CEP85L: variants seen among roughly 807,000 people sequenced by gnomAD.
The protein encoded by CEP85L is centrosomal protein of 85 kDa-like.
A neutral mutation model predicts 100.3 loss-of-function variants in CEP85L; 60 were observed. The observed-to-expected ratio is 0.60, with a 90% CI of 0.49 to 0.74. CEP85L has a LOEUF of 0.74. Among genes scored for constraint, CEP85L ranks in the 30% least tolerant of loss-of-function variants. The probability of loss-of-function intolerance (pLI) is 0.00; values close to 1 mark genes in which losing one functional copy is unlikely to be tolerated. For synonymous variants in CEP85L, 319 were observed against 322.7 expected, an observed-to-expected ratio of 0.99 and a Z score of 0.12; for missense variants, 973 against 936.2, an observed-to-expected ratio of 1.04 and a Z score of -0.51.
chr6:118,649,647 G>C (rs926247449), intron 1 of CEP85L, among the ~76,000 whole-genome samples: 1 of 152,032 alleles, frequency 6.6e-6, no homozygotes, highest in Non-Finnish European at 1.5e-5. Context: ...CTCAATCACT[G>C]AAGTTACTTA....
chr6:118,667,983 G>T (rs772923828), intron 1 of CEP85L, among the ~76,000 whole-genome samples: 1 of 152,162 alleles, frequency 6.6e-6, no homozygotes, highest in Non-Finnish European at 1.5e-5. Flanking sequence ...TAATCCATGA[G>T]TTGGGCTGAG....
chr6:118,542,900 CA>C (rs71012391), intron 3 of CEP85L, among the ~76,000 whole-genome samples: 12,802 of 66,970 alleles, frequency 0.19, 464 homozygotes, highest in Non-Finnish European at 0.23. Flanking sequence ...CAAGTTTTCC[CA>C]AAAAAAAAAA....
chr6:118,528,798 T>A (rs1180266651), intron 3 of CEP85L, among the ~76,000 whole-genome samples: 1 of 152,190 alleles, frequency 6.6e-6, no homozygotes, highest in Non-Finnish European at 1.5e-5. Context: ...TAGAATGGAA[T>A]TTGAAGTACC....
At chr6:118,555,974 C>T (rs1183476842) in intron 3 of CEP85L, among the ~76,000 whole-genome samples, 2 of 152,192 alleles carry the variant, frequency 1.3e-5, no homozygotes, top group East Asian at 3.8e-4. Flanking sequence ...CCGCAAAAGA[C>T]ATGATATCAT....
At chr6:118,653,284 T>C (rs369635025), upstream of CEP85L, among the ~76,000 whole-genome samples, 2 of 152,288 alleles carry the variant, frequency 1.3e-5, no homozygotes, top group African/African-American at 4.8e-5. Context: ...AGTAAAAACA[T>C]GTTGCTCTTT....
At chr6:118,476,575 A>G (rs1010988685) in intron 10 of CEP85L, among the ~76,000 whole-genome samples, 2 of 152,222 alleles carry the variant, frequency 1.3e-5, no homozygotes, top group South Asian at 4.1e-4. Flanking sequence ...CCATTGACTT[A>G]TGATCCATTT....
chr6:118,539,775 G>A (rs912622958), intron 3 of CEP85L, among the ~76,000 whole-genome samples: 1 of 152,060 alleles, frequency 6.6e-6, no homozygotes, highest in African/African-American at 2.4e-5. Flanking sequence ...AACTACTAAA[G>A]GGAGCTATCT....
At chr6:118,594,051 C>T (rs1036103448) in intron 2 of CEP85L, among the ~76,000 whole-genome samples, 3 of 152,190 alleles carry the variant, frequency 2.0e-5, no homozygotes, top group Admixed American at 6.5e-5. Flanking sequence ...ATCCCTACCA[C>T]CCTGTGTACT....
chr6:118,545,966 A>T (rs1778175753), intron 3 of CEP85L, among the ~76,000 whole-genome samples: 1 of 152,148 alleles, frequency 6.6e-6, no homozygotes, highest in Admixed American at 6.5e-5. Context: ...CTATAGTGTA[A>T]CTCCAAATGA....
chr6:118,681,781 G>A (rs1583255039), intron 1 of CEP85L, among the ~76,000 whole-genome samples: 4 of 134,312 alleles, frequency 3.0e-5, no homozygotes, highest in Admixed American at 2.5e-4. Flanking sequence ...ACAGAGTCTC[G>A]CTCTGTTGCC....
intron 3 of CEP85L, among the ~76,000 whole-genome samples, chr6:118,551,215 C>G (rs1382794985): frequency 1.3e-5 from 2 of 151,696 alleles, no homozygotes; most frequent in African/African-American, 4.8e-5. Flanking sequence ...GCATGTGTTA[C>G]CAAATAAACA....
chr6:118,563,469 T>C (rs1348387774), intron 3 of CEP85L, among the ~76,000 whole-genome samples: 2 of 152,234 alleles, frequency 1.3e-5, no homozygotes, highest in African/African-American at 4.8e-5. Flanking sequence ...AAATTCCTTT[T>C]CTTAGTTGTA....
intron 4 of CEP85L, among the ~76,000 whole-genome samples, chr6:118,520,395 C>T (rs9374736): frequency 0.21 from 32,640 of 151,868 alleles, 4,650 homozygotes; most frequent in East Asian, 0.61. Flanking sequence ...TATTTAAGAA[C>T]GTTTTGAAAA....
intron 1 of CEP85L, among the ~76,000 whole-genome samples, chr6:118,697,622 G>A (rs1345322558): frequency 6.6e-6 from 1 of 152,164 alleles, no homozygotes; most frequent in Non-Finnish European, 1.5e-5. Context: ...CAGTTAACTG[G>A]TAATGGAGAA....
chr6:118,529,111 T>C (rs1777136135), intron 3 of CEP85L, among the ~76,000 whole-genome samples: 1 of 152,208 alleles, frequency 6.6e-6, no homozygotes, highest in Admixed American at 6.5e-5. Flanking sequence ...GGAATAGTGA[T>C]AAGGGAATTA....
At chr6:118,576,546 C>T (rs1292396817) in intron 2 of CEP85L, among the ~76,000 whole-genome samples, 1 of 152,232 alleles carries the variant, frequency 6.6e-6, no homozygotes, top group East Asian at 1.9e-4. Context: ...CTTGTCTAGT[C>T]TTACCTTGTG....
At chr6:118,652,246 A>C (rs565430874), upstream of CEP85L, among the ~76,000 whole-genome samples, 1 of 152,084 alleles carries the variant, frequency 6.6e-6, no homozygotes, top group African/African-American at 2.4e-5. Flanking sequence ...AAATGGCACC[A>C]AAGTCTGTAA....
At chr6:118,654,021 G>T (rs1775686900), upstream of CEP85L, among the ~76,000 whole-genome samples, 1 of 152,138 alleles carries the variant, frequency 6.6e-6, no homozygotes, top group Non-Finnish European at 1.5e-5. Flanking sequence ...ATTAAGTTGA[G>T]CTATCTTACA....
intron 3 of CEP85L, chr6:118,559,277 G>C (rs1053616377): frequency 3.4e-6 from 2 of 589,604 alleles, no homozygotes; most frequent in African/African-American, 3.8e-5. Flanking sequence ...CATGAAAAGG[G>C]CTTTATTTTC....
Sources: gnomAD v4.1 joint callset for allele counts (sites outside exome capture counted in the v4.1 genomes callset) on GRCh38, gnomAD v4.1.1 for gene constraint, MANE v1.5 for transcripts, NCBI Gene and HGNC (gene_info 2026-07-23, HGNC 2026-07-21) for gene names.